VGLL4: variants seen among roughly 807,000 people sequenced by gnomAD.
The protein encoded by VGLL4 is transcription cofactor vestigial-like protein 4.
In VGLL4, 7 loss-of-function variants were observed where a neutral mutation model predicts 21.0. The ratio of observed to expected loss-of-function variants is 0.33; its 90% CI spans 0.19 to 0.63. VGLL4 has a LOEUF of 0.63. VGLL4 is among the 20% of genes least tolerant of loss of function. The pLI is 0.78. For missense variants in VGLL4, 394 were observed against 425.7 expected, an observed-to-expected ratio of 0.93 and a Z score of 0.66; for synonymous variants, 222 against 173.2, an observed-to-expected ratio of 1.28 and a Z score of -2.21.
chr3:11,671,840 T>C (rs2076222052), intron 2 of VGLL4, among the ~76,000 whole-genome samples: 1 of 152,230 alleles, frequency 6.6e-6, no homozygotes, highest in Non-Finnish European at 1.5e-5. Flanking sequence ...CTTGCATTTT[T>C]TAAAAAAGAA....
At chr3:11,670,304 C>T (rs549727925) in intron 2 of VGLL4, among the ~76,000 whole-genome samples, 51 of 152,232 alleles carry the variant, frequency 3.4e-4, no homozygotes, top group South Asian at 6.2e-4. Context: ...AAACCTTTGT[C>T]CTAATCCCAA....
At position 11,643,715 on chromosome 3, in the gene VGLL4, C is replaced by G; in HGVS notation, c.-197G>C. On this transcript the variant is annotated 5_prime_UTR_variant, in exon 1 of 5. Coordinates refer to ENST00000430365, the MANE Select transcript of VGLL4 (RefSeq NM_001128219.3). ...CAAAAAAATCGAGCTCACACGAAAC[C>G]CTTCAAGGGCTTACTGGTAGACGGT... 7.1e-7 allele frequency: 1 copy of G among 1,412,360 alleles called. No homozygotes were observed. 87.5% of individuals were successfully genotyped at this position (1,412,360 alleles called of 1,614,324 possible). A position where few individuals can be genotyped will look rare whatever the true frequency, so the allele number is the denominator to read the frequency against.
At chr3:11,595,171 A>G (rs977599404) in intron 2 of VGLL4, among the ~76,000 whole-genome samples, 4 of 152,160 alleles carry the variant, frequency 2.6e-5, no homozygotes, top group African/African-American at 9.7e-5. Flanking sequence ...CAAACAAACA[A>G]ACAAACAAAC....
chr3:11,676,878 G>A lies in VGLL4; in HGVS notation c.64+26093C>T, dbSNP rs570548373. Reference sequence around the variant, plus strand: ...CATATTATGCTGCCACAGTAGCACTGTAAAATGGTTTAAAGCATTTGATCA... The same window carrying A: ...CATATTATGCTGCCACAGTAGCACTATAAAATGGTTTAAAGCATTTGATCA... On this transcript the variant is annotated intron_variant, in intron 2 of 5. Coordinates refer to the VGLL4 transcript ENST00000273038. Among the ~76,000 whole-genome samples the A allele has an allele frequency of 1.6e-4, 25 of 152,268 alleles. No homozygotes were observed. In the South Asian group the frequency reaches 4.6e-3, roughly 28 times the overall value.
chr3:11,652,226 A>T (rs1009126796), intron 2 of VGLL4, among the ~76,000 whole-genome samples: 1 of 152,204 alleles, frequency 6.6e-6, no homozygotes, highest in African/African-American at 2.4e-5. Flanking sequence ...ACAAAAATAA[A>T]CCTTATTTTA....
Position 11,558,474 on chromosome 3 carries a change from G to GT in VGLL4, c.*81_*82insA. On this transcript the variant is annotated 3_prime_UTR_variant, in exon 5 of 5. Coordinates refer to ENST00000430365, the MANE Select transcript of VGLL4 (RefSeq NM_001128219.3). ...TCCCTTCCCCCCACCCCACCCCCAT[G>GT]ATTTTTTTTTTTTTAAGTACTGACT... The GT allele has an allele frequency of 1.6e-6, 2 of 1,238,916 alleles. No homozygotes were observed. The highest frequency in any genetic ancestry group is 1.6e-5 in the African/African-American group (1 of 63,896). The allele number at this position is 1,238,916 out of a possible 1,614,324, so 76.7% of individuals were successfully genotyped here.
chr3:11,695,604 A>G (rs2076596211), intron 2 of VGLL4, among the ~76,000 whole-genome samples: 1 of 152,206 alleles, frequency 6.6e-6, no homozygotes, highest in East Asian at 1.9e-4. Flanking sequence ...TCTCATAACT[A>G]GAAGGAATGC....
chr3:11,646,764 G>A (rs577158701), upstream of VGLL4, among the ~76,000 whole-genome samples: 16 of 152,192 alleles, frequency 1.1e-4, no homozygotes, highest in South Asian at 2.1e-4. Flanking sequence ...CGTGGACACC[G>A]TCTCACAGGT....
intron 1 of VGLL4, among the ~76,000 whole-genome samples, chr3:11,707,525 G>A (rs1463526682): frequency 6.6e-6 from 1 of 151,210 alleles, no homozygotes; most frequent in Non-Finnish European, 1.5e-5. Context: ...ACAAAGCAAA[G>A]GTGGAAGATA....
Position 11,677,677 on chromosome 3 carries a change from A to G in VGLL4, c.64+25294T>C, listed in dbSNP as rs150647759. ...TCAGTTAGGCCAGGCACAGTGGCTC[A>G]CACCTGTAATCCCAGCACTTTGGGA... On this transcript the variant is annotated intron_variant, in intron 2 of 5. Transcript: ENST00000273038. Among the ~76,000 whole-genome samples the G allele has an allele frequency of 2.0e-4, 31 of 152,258 alleles. No individual in the cohort carries two copies. The South Asian group carries it at 2.5e-3, about 12-fold the overall frequency.
chr3:11,709,435 T>TC (rs1228813940), intron 1 of VGLL4, among the ~76,000 whole-genome samples: 7 of 108,854 alleles, frequency 6.4e-5, no homozygotes, highest in African/African-American at 2.3e-4. Context: ...AGACTCCGTC[T>TC]AAAAAAAAAA....
chr3:11,668,343 C>T (rs1444689532), intron 2 of VGLL4, among the ~76,000 whole-genome samples: 4 of 152,144 alleles, frequency 2.6e-5, no homozygotes, highest in African/African-American at 9.7e-5. Flanking sequence ...ATGCATCATG[C>T]TTACTATTGC....
Position 11,671,385 on chromosome 3 carries a change from C to T in VGLL4, c.64+31586G>A, listed in dbSNP as rs963525390. 7.5e-6 allele frequency: 7 copies of T among 934,570 alleles called. No individual in the cohort carries two copies. In the South Asian group the frequency reaches 9.0e-5, roughly 12 times the overall value. The allele number at this position is 934,570 out of a possible 1,614,324, so 57.9% of individuals were successfully genotyped here. ...ACGATTCTGCATTTCTAACAAGTTCCCAGGTGACGCTGTGGGCCACATGTA... is the reference window on the plus strand; with the variant it reads ...ACGATTCTGCATTTCTAACAAGTTCTCAGGTGACGCTGTGGGCCACATGTA... On this transcript the variant is annotated intron_variant, in intron 2 of 5. Coordinates refer to the VGLL4 transcript ENST00000273038.
intron 1 of VGLL4, among the ~76,000 whole-genome samples, chr3:11,635,384 C>A (rs1030696731): frequency 6.6e-6 from 1 of 152,200 alleles, no homozygotes; most frequent in Non-Finnish European, 1.5e-5. Context: ...TGAGCACCAA[C>A]AGAACAATCT....
chr3:11,612,692 C>T (rs1475682869), intron 1 of VGLL4: 3 of 152,290 alleles, frequency 2.0e-5, no homozygotes, highest in African/African-American at 4.8e-5. Context: ...GTGCGAGCTC[C>T]GCTGTGGCTG....
intron 3 of VGLL4, among the ~76,000 whole-genome samples, chr3:11,559,875 A>G (rs910637180): frequency 6.6e-6 from 1 of 152,038 alleles, no homozygotes; most frequent in African/African-American, 2.4e-5. Context: ...CATCCAGGAC[A>G]CTTCAATACA....
intron 2 of VGLL4, among the ~76,000 whole-genome samples, chr3:11,593,726 C>T (rs1364251230): frequency 6.6e-6 from 1 of 152,212 alleles, no homozygotes; most frequent in African/African-American, 2.4e-5. Context: ...AGAATCGGGA[C>T]ATCGGGCTCC....
chr3:11,714,518 C>G (rs768206915), intron 1 of VGLL4, among the ~76,000 whole-genome samples: 1 of 150,812 alleles, frequency 6.6e-6, no homozygotes, highest in Non-Finnish European at 1.5e-5. Context: ...TGGTGAAATC[C>G]CATTTCTACT....
At chr3:11,642,960 C>G (rs1398951290) in intron 1 of VGLL4, among the ~76,000 whole-genome samples, 1 of 152,098 alleles carries the variant, frequency 6.6e-6, no homozygotes, top group Non-Finnish European at 1.5e-5. Flanking sequence ...CTGTTTGGGA[C>G]GCTCACTCGC....
Sources: gnomAD v4.1 joint callset for allele counts (sites outside exome capture counted in the v4.1 genomes callset) on GRCh38, gnomAD v4.1.1 for gene constraint, MANE v1.5 for transcripts, NCBI Gene and HGNC (gene_info 2026-07-23, HGNC 2026-07-21) for gene names.